Variants in RBFOX1 observed in about 807,000 individuals in gnomAD.
RBFOX1 encodes the protein RNA binding fox-1 homolog 1.
RBFOX1 carries 8 observed loss-of-function variants against 57.7 expected under a neutral mutation model. That is an observed-to-expected ratio of 0.14 (90% CI 0.08 to 0.25). The LOEUF (loss-of-function observed/expected upper bound fraction) is 0.25. Among genes scored for constraint, RBFOX1 ranks in the 10% least tolerant of loss-of-function variants. RBFOX1 has a pLI of 1.00. For missense variants in RBFOX1, 611 were observed against 548.5 expected, an observed-to-expected ratio of 1.11 and a Z score of -1.14; for synonymous variants, 326 against 222.4, an observed-to-expected ratio of 1.47 and a Z score of -4.15.
intron 3 of RBFOX1, among the ~76,000 whole-genome samples, chr16:5,840,772 G>A (rs1173040918): frequency 6.6e-6 from 1 of 152,166 alleles, no homozygotes. Context: ...TCCACCTGGG[G>A]ATGCAGTGAG....
chr16:5,291,788 G>C (rs1488615825), intron 1 of RBFOX1, among the ~76,000 whole-genome samples: 1 of 152,166 alleles, frequency 6.6e-6, no homozygotes, highest in Non-Finnish European at 1.5e-5. Flanking sequence ...GCAGTGAACG[G>C]ATCTGAGAAG....
At chr16:5,335,731 C>G (rs904520129) in intron 1 of RBFOX1, among the ~76,000 whole-genome samples, 3 of 152,142 alleles carry the variant, frequency 2.0e-5, no homozygotes, top group African/African-American at 7.2e-5. Context: ...AGGGCAGAGA[C>G]TGCGTTTGTC....
chr16:7,175,858 G>T (rs1483928043), intron 4 of RBFOX1, among the ~76,000 whole-genome samples: 2 of 152,178 alleles, frequency 1.3e-5, no homozygotes, highest in Non-Finnish European at 2.9e-5. Context: ...TAGAGGAGTT[G>T]AAAGGACTCC....
chr16:5,691,950 A>G (rs2050693099), intron 3 of RBFOX1, among the ~76,000 whole-genome samples: 1 of 152,154 alleles, frequency 6.6e-6, no homozygotes, highest in Admixed American at 6.5e-5. Flanking sequence ...GCTGTGAGAC[A>G]TGTAACACGA....
chr16:6,058,071 G>T (rs569208952), intron 1 of RBFOX1, among the ~76,000 whole-genome samples: 1 of 152,052 alleles, frequency 6.6e-6, no homozygotes, highest in Non-Finnish European at 1.5e-5. Context: ...AGGAGCAAAC[G>T]CAGACACACG....
At chr16:5,766,948 G>T (rs2053802470) in intron 3 of RBFOX1, among the ~76,000 whole-genome samples, 1 of 152,122 alleles carries the variant, frequency 6.6e-6, no homozygotes, top group South Asian at 2.1e-4. Flanking sequence ...TGCAAATAAT[G>T]AGCTCTTTAC....
chr16:7,505,267 G>A (rs994654111), intron 4 of RBFOX1, among the ~76,000 whole-genome samples: 16 of 149,034 alleles, frequency 1.1e-4, no homozygotes, highest in Non-Finnish European at 1.5e-4. Context: ...AAGGAAACCA[G>A]ACAAGGTTCC....
intron 2 of RBFOX1, among the ~76,000 whole-genome samples, chr16:5,523,458 T>TA (rs111981542): frequency 4.0e-5 from 6 of 150,404 alleles, no homozygotes; most frequent in South Asian, 4.2e-4. Context: ...TTACAAAAAA[T>TA]AAAAAAAATT....
chr16:6,494,399 C>G lies in RBFOX1; in HGVS notation c.-63-160204C>G, dbSNP rs150853997. Among the ~76,000 whole-genome samples, 148 of 152,240 alleles carry G rather than the reference C, an allele frequency of 9.7e-4. 2 individuals are homozygous for G. In the East Asian group the frequency reaches 0.024, roughly 24 times the overall value. On this transcript the variant is annotated intron_variant, in intron 2 of 15. Coordinates refer to ENST00000550418, the MANE Select transcript of RBFOX1 (RefSeq NM_018723.4). ...ACCTGCCCCTGTTCTTAACCCCTGT[C>G]GATCATGAATCTGCCTTCCATTTGT...
At chr16:7,026,366 T>G (rs143824623) in intron 3 of RBFOX1, among the ~76,000 whole-genome samples, 21 of 152,290 alleles carry the variant, frequency 1.4e-4, no homozygotes, top group African/African-American at 4.8e-4. Flanking sequence ...TGCAAAGGAA[T>G]TCAATCTAGT....
chr16:7,263,718 A>T (rs182194695), intron 4 of RBFOX1, among the ~76,000 whole-genome samples: 1 of 152,104 alleles, frequency 6.6e-6, no homozygotes, highest in African/African-American at 2.4e-5. Context: ...TAACATGGTG[A>T]AACCCCATCT....
chr16:6,902,818 A>G (rs1463951879), intron 3 of RBFOX1, among the ~76,000 whole-genome samples: 1 of 152,122 alleles, frequency 6.6e-6, no homozygotes, highest in Non-Finnish European at 1.5e-5. Context: ...AACATTATCC[A>G]TGATTGTACA....
chr16:6,930,336 C>G (rs1025228216), intron 3 of RBFOX1, among the ~76,000 whole-genome samples: 1 of 152,150 alleles, frequency 6.6e-6, no homozygotes, highest in African/African-American at 2.4e-5. Context: ...TACCTAACAT[C>G]ACTAATCTCT....
chr16:6,112,348 T>G (rs1465492193), intron 1 of RBFOX1, among the ~76,000 whole-genome samples: 1 of 152,146 alleles, frequency 6.6e-6, no homozygotes, highest in Admixed American at 6.5e-5. Context: ...GAAATCAAAG[T>G]TTACCTTGAC....
At chr16:7,480,849 T>C (rs369076471) in intron 4 of RBFOX1, among the ~76,000 whole-genome samples, 2 of 152,296 alleles carry the variant, frequency 1.3e-5, no homozygotes, top group East Asian at 1.9e-4. Flanking sequence ...AAACAGCCTC[T>C]TGGATAAAAG....
intron 3 of RBFOX1, among the ~76,000 whole-genome samples, chr16:6,847,163 C>G (rs1461513663): frequency 6.6e-6 from 1 of 152,176 alleles, no homozygotes; most frequent in Non-Finnish European, 1.5e-5. Flanking sequence ...TTAAACATAG[C>G]AACTCAAGCC....
chr16:7,118,508 A>G (rs760671121), intron 4 of RBFOX1, among the ~76,000 whole-genome samples: 1 of 152,154 alleles, frequency 6.6e-6, no homozygotes, highest in Admixed American at 6.6e-5. Context: ...GGTACACTCA[A>G]AGCCAAGCCT....
At chr16:6,694,739 T>TA (rs1376168197) in intron 3 of RBFOX1, among the ~76,000 whole-genome samples, 1 of 152,170 alleles carries the variant, frequency 6.6e-6, no homozygotes, top group Non-Finnish European at 1.5e-5. Flanking sequence ...GTAATAGGTA[T>TA]AAAAATGAAT....
intron 4 of RBFOX1, among the ~76,000 whole-genome samples, chr16:7,507,739 A>C (rs375072820): frequency 1.3e-5 from 2 of 151,314 alleles, no homozygotes; most frequent in Admixed American, 1.3e-4. Context: ...AATTGTTGGT[A>C]ATTTTAGTAG....
Sources: allele counts gnomAD v4.1 joint callset (sites outside exome capture counted in the v4.1 genomes callset), GRCh38; gene constraint gnomAD v4.1.1; transcripts MANE v1.5; gene names NCBI Gene and HGNC (gene_info 2026-07-23, HGNC 2026-07-21).